PIAS1: variants seen among roughly 807,000 people sequenced by gnomAD.
The protein encoded by PIAS1 is protein inhibitor of activated STAT 1, also known as E3 SUMO-protein ligase PIAS1.
A neutral mutation model predicts 71.3 loss-of-function variants in PIAS1; 6 were observed. The ratio of observed to expected loss-of-function variants is 0.08; its 90% CI spans 0.05 to 0.17. The LOEUF is 0.17. PIAS1 is among the 10% of genes least tolerant of loss of function. The probability of loss-of-function intolerance (pLI) is 1.00; values close to 1 mark genes in which losing one functional copy is unlikely to be tolerated. For synonymous variants in PIAS1, 303 were observed against 292.9 expected (o/e 1.03, Z -0.35); for missense variants, 555 against 793.6 (o/e 0.70, Z 3.61).
Position 68,171,749 on chromosome 15 carries a change from A to G in PIAS1, c.1009-1983A>G, listed in dbSNP as rs1805817407. On this transcript the variant is annotated intron_variant, in intron 8 of 13. Coordinates refer to ENST00000249636, the MANE Select transcript of PIAS1 (RefSeq NM_016166.3). This position sits in a 1 kb window ranked among gnomAD's most constrained non-coding sequence, Gnocchi z 4.4. Reference sequence around the variant, plus strand: ...GCCTTTCTTAGAGACACAGTAAATCATCGGTATCAAAGCAATTATTTTGGG... The same window carrying G: ...GCCTTTCTTAGAGACACAGTAAATCGTCGGTATCAAAGCAATTATTTTGGG... Among the ~76,000 whole-genome samples the G allele has an allele frequency of 6.6e-6, 1 of 152,184 alleles. No individual in the cohort carries two copies. Among genetic ancestry groups the G allele is most frequent in the South Asian group, 2.1e-4 (1 of 4,830 alleles).
chr15:68,152,214 G>T (rs1248916084), intron 6 of PIAS1, among the ~76,000 whole-genome samples: 1 of 151,984 alleles, frequency 6.6e-6, no homozygotes. Flanking sequence ...CTCCCAAAGT[G>T]CTGGGATTAC....
Position 68,086,795 on chromosome 15 carries a change from A to AT in PIAS1, c.469+49dup. ...GTATTTGGTTACTTTTGCAGGATGAATTTTCGTTTTAGGCTTTTACTTTGA... is the reference window on the plus strand; with the variant it reads ...GTATTTGGTTACTTTTGCAGGATGAATTTTTCGTTTTAGGCTTTTACTTTGA... On this transcript the variant is annotated intron_variant, in intron 2 of 13. Transcript: ENST00000249636. This position sits in a 1 kb window ranked among gnomAD's most constrained non-coding sequence, Gnocchi z 7.2. 1 of 1,328,068 alleles carries AT rather than the reference A, an allele frequency of 7.5e-7. No homozygotes were observed. The highest frequency in any genetic ancestry group is 1.1e-6 in the Non-Finnish European group (1 of 947,184). The allele number at this position is 1,328,068 out of a possible 1,614,324, so 82.3% of individuals were successfully genotyped here. A position where few individuals can be genotyped will look rare whatever the true frequency, so the allele number is the denominator to read the frequency against.
At position 68,143,755 on chromosome 15, in the gene PIAS1, A is replaced by G. The variant is rs150111445; in HGVS notation, c.602+1418A>G. 7.3e-3 allele frequency among the ~76,000 whole-genome samples: 1,118 copies of G among 152,138 alleles called. 8 individuals are homozygous for G. The highest frequency in any genetic ancestry group is 0.012 in the Non-Finnish European group (840 of 67,956). On this transcript the variant is annotated intron_variant, in intron 4 of 13. Coordinates refer to ENST00000249636, the MANE Select transcript of PIAS1 (RefSeq NM_016166.3). ...AATCAGTGGTTTTCAAACTTGTTGC[A>G]TGGAGCCACCCTTAGGGGTTCATAC...
chr15:68,128,675 G>T (rs1231277804), intron 2 of PIAS1, among the ~76,000 whole-genome samples: 1 of 152,094 alleles, frequency 6.6e-6, no homozygotes, highest in Non-Finnish European at 1.5e-5. Flanking sequence ...TCCAGATTCT[G>T]CTAGAAGTAA....
intron 2 of PIAS1, among the ~76,000 whole-genome samples, chr15:68,129,246 T>A (rs994874812): frequency 5.3e-4 from 80 of 152,142 alleles, no homozygotes; most frequent in Non-Finnish European, 2.2e-4. Flanking sequence ...AAAGTTATTT[T>A]TTGTAGAGAC....
In PIAS1 at chr15:68,189,257, C is replaced by G. The variant is rs971726184; in HGVS notation, c.*1422C>G. On this transcript the variant is annotated 3_prime_UTR_variant, in exon 14 of 14. Transcript: ENST00000249636. Reference sequence around the variant, plus strand: ...AGTGGTTCTACTAATGTTCCAAAATCCTCATCAGAGAAGGTATGATGTTCT... The same window carrying G: ...AGTGGTTCTACTAATGTTCCAAAATGCTCATCAGAGAAGGTATGATGTTCT... The G allele has an allele frequency of 3.9e-5, 6 of 152,128 alleles. No homozygotes were observed. Among genetic ancestry groups the G allele is most frequent in the African/African-American group, 1.4e-4 (6 of 41,434 alleles). 9.4% of individuals were successfully genotyped at this position (152,128 alleles called of 1,614,324 possible).
chr15:68,137,551 C>T (rs899160036), intron 2 of PIAS1, among the ~76,000 whole-genome samples: 1 of 151,788 alleles, frequency 6.6e-6, no homozygotes, highest in African/African-American at 2.4e-5. Context: ...AGTACAGCAC[C>T]GAGATCAAGA....
chr15:68,058,860 C>T (rs1474013553), intron 1 of PIAS1, among the ~76,000 whole-genome samples: 1 of 152,098 alleles, frequency 6.6e-6, no homozygotes, highest in Non-Finnish European at 1.5e-5. Flanking sequence ...TATGTATATT[C>T]ATCATAAAAA....
chr15:68,155,992 T>G (rs2092886135), intron 7 of PIAS1, among the ~76,000 whole-genome samples: 1 of 152,242 alleles, frequency 6.6e-6, no homozygotes, highest in African/African-American at 2.4e-5. Context: ...CTTTTTTAGC[T>G]TATCTACATT....
chr15:68,098,774 A>G (rs1486533973), intron 2 of PIAS1, among the ~76,000 whole-genome samples: 6 of 152,104 alleles, frequency 3.9e-5, no homozygotes, highest in Admixed American at 3.9e-4. Context: ...TGTGTTATTA[A>G]ATATTCCCCT....
At chr15:68,105,318 T>G (rs1355576840) in intron 2 of PIAS1, among the ~76,000 whole-genome samples, 1 of 152,162 alleles carries the variant, frequency 6.6e-6, no homozygotes, top group African/African-American at 2.4e-5. Context: ...ATCAGGCCAT[T>G]TGTTTGTATT....
chr15:68,096,074 CAAAT>C (rs2092373317), intron 2 of PIAS1, among the ~76,000 whole-genome samples: 1 of 152,170 alleles, frequency 6.6e-6, no homozygotes, highest in South Asian at 2.1e-4. Flanking sequence ...GTTGAAAAAA[CAAAT>C]AAATTAGTTT....
At chr15:68,057,398 C>T in intron 1 of PIAS1, 1 of 375,988 alleles carries the variant, frequency 2.7e-6, no homozygotes, top group Non-Finnish European at 5.1e-6. Flanking sequence ...TCATGAAACT[C>T]CTCTTAAAGT....
chr15:68,062,228 T>C (rs1447456665), intron 1 of PIAS1, among the ~76,000 whole-genome samples: 1 of 152,218 alleles, frequency 6.6e-6, no homozygotes, highest in Non-Finnish European at 1.5e-5. Context: ...GTGACTACAC[T>C]TCTCATTGTA....
chr15:68,090,741 C>T (rs1008291165), intron 2 of PIAS1, among the ~76,000 whole-genome samples: 7 of 151,956 alleles, frequency 4.6e-5, no homozygotes, highest in Admixed American at 2.6e-4. Flanking sequence ...TCTTATTGCC[C>T]TATCCTGTCA....
intron 8 of PIAS1, among the ~76,000 whole-genome samples, chr15:68,170,078 G>A (rs940421673): frequency 4.6e-5 from 7 of 152,206 alleles, no homozygotes; most frequent in African/African-American, 1.4e-4. Context: ...AGCCTTATCA[G>A]TGCACAGGAC....
rs1051161269 is a variant in PIAS1, at chr15:68,167,028, T to C, written c.1008+2224T>C. ...TTTTTGTAGAGACAAGGTCTTGATA[T>C]GTTGCCCAGGCTGGTCATGGACTCC... On this transcript the variant is annotated intron_variant, in intron 8 of 13. Transcript: ENST00000249636. The surrounding 1 kb of genome is among the most constrained non-coding windows in gnomAD (Gnocchi z 4.4). 6.6e-6 allele frequency among the ~76,000 whole-genome samples: 1 copy of C among 152,166 alleles called. No individual in the cohort carries two copies. The highest frequency in any genetic ancestry group is 1.5e-5 in the Non-Finnish European group (1 of 68,014).
intron 2 of PIAS1, among the ~76,000 whole-genome samples, chr15:68,095,802 A>G (rs1225213151): frequency 6.6e-6 from 1 of 152,174 alleles, no homozygotes; most frequent in Non-Finnish European, 1.5e-5. Flanking sequence ...AAGTGCTGGG[A>G]TTACAAGCGT....
chr15:68,156,932 G>A (rs1231848964), intron 7 of PIAS1, among the ~76,000 whole-genome samples: 1 of 152,204 alleles, frequency 6.6e-6, no homozygotes, highest in Non-Finnish European at 1.5e-5. Context: ...AGTGAGGCCA[G>A]TTGAGAACCT....
Sources: allele counts gnomAD v4.1 joint callset (sites outside exome capture counted in the v4.1 genomes callset), GRCh38; gene constraint gnomAD v4.1.1; non-coding constraint Gnocchi (gnomAD v3.1); transcripts MANE v1.5; gene names NCBI Gene and HGNC (gene_info 2026-07-23, HGNC 2026-07-21).